Variants in PRDM5 observed in about 807,000 individuals in gnomAD.
The protein encoded by PRDM5 is PR domain zinc finger protein 5.
In PRDM5, 56 loss-of-function variants were observed where a neutral mutation model predicts 81.2. That is an observed-to-expected ratio of 0.69 (90% CI 0.56 to 0.86). The LOEUF is 0.86. Ranked by LOEUF, PRDM5 falls within the 40% of genes least tolerant of loss-of-function variation. PRDM5 has a pLI of 0.00. For missense variants in PRDM5, 697 were observed against 770.1 expected, an observed-to-expected ratio of 0.91 and a Z score of 1.12; for synonymous variants, 267 against 256.4, an observed-to-expected ratio of 1.04 and a Z score of -0.39.
At chr4:120,882,241 G>C (rs1232365765) in intron 2 of PRDM5, among the ~76,000 whole-genome samples, 1 of 152,160 alleles carries the variant, frequency 6.6e-6, no homozygotes, top group East Asian at 1.9e-4. Flanking sequence ...TCCGCCTCCC[G>C]GGTTCAAGCG....
chr4:120,908,412 TG>T (rs1024744010), intron 1 of PRDM5, among the ~76,000 whole-genome samples: 1 of 152,154 alleles, frequency 6.6e-6, no homozygotes, highest in Non-Finnish European at 1.5e-5. Flanking sequence ...TCCCTTCACA[TG>T]GAGGTGATGC....
At chr4:120,913,737 T>G (rs1468541880) in intron 1 of PRDM5, among the ~76,000 whole-genome samples, 2 of 152,136 alleles carry the variant, frequency 1.3e-5, no homozygotes, top group Non-Finnish European at 2.9e-5. Flanking sequence ...TTCTCTCCAG[T>G]AGACTTAGTA....
intron 2 of PRDM5, among the ~76,000 whole-genome samples, chr4:120,862,495 C>T (rs1760715850): frequency 6.6e-6 from 1 of 152,154 alleles, no homozygotes; most frequent in Admixed American, 6.5e-5. Context: ...AGTAAGAGAG[C>T]AGAGAAGAGT....
chr4:120,817,592 G>A (rs1029526366), intron 5 of PRDM5, among the ~76,000 whole-genome samples: 3 of 152,080 alleles, frequency 2.0e-5, no homozygotes, highest in Non-Finnish European at 4.4e-5. Flanking sequence ...AACACAATGA[G>A]AGTCTACAGT....
At chr4:120,913,849 T>C (rs1766783291) in intron 1 of PRDM5, among the ~76,000 whole-genome samples, 2 of 152,170 alleles carry the variant, frequency 1.3e-5, no homozygotes, top group Non-Finnish European at 2.9e-5. Context: ...CAGCCCACAA[T>C]CTTTCCTGCT....
chr4:120,893,670 T>C (rs2148633246), intron 2 of PRDM5, among the ~76,000 whole-genome samples: 1 of 152,354 alleles, frequency 6.6e-6, no homozygotes, highest in Middle Eastern at 3.4e-3. Flanking sequence ...CTATCAGCAA[T>C]TGAGAAAGTT....
At chr4:120,842,329 A>C (rs895035015) in intron 3 of PRDM5, among the ~76,000 whole-genome samples, 1 of 152,240 alleles carries the variant, frequency 6.6e-6, no homozygotes, top group Non-Finnish European at 1.5e-5. Context: ...TTCAGGCCAG[A>C]GTTCAAGTGG....
At chr4:120,831,473 T>C (rs1314866327) in intron 3 of PRDM5, among the ~76,000 whole-genome samples, 1 of 152,156 alleles carries the variant, frequency 6.6e-6, no homozygotes, top group Non-Finnish European at 1.5e-5. Context: ...TTTAATCATA[T>C]AATTGAACTA....
chr4:120,686,359 A>G (rs1733832665), intron 1 of PRDM5, among the ~76,000 whole-genome samples: 1 of 152,238 alleles, frequency 6.6e-6, no homozygotes, highest in South Asian at 2.1e-4. Flanking sequence ...CAACTAAAAT[A>G]TATTTTGTAA....
intron 9 of PRDM5, among the ~76,000 whole-genome samples, chr4:120,798,987 C>T (rs899753895): frequency 1.3e-5 from 2 of 152,160 alleles, no homozygotes; most frequent in Non-Finnish European, 2.9e-5. Context: ...TTTTAATTTA[C>T]TAAAATATTC....
chr4:120,797,688 GA>G (rs552414729), intron 10 of PRDM5, among the ~76,000 whole-genome samples: 37 of 152,254 alleles, frequency 2.4e-4, no homozygotes, highest in Admixed American at 2.4e-3. Flanking sequence ...TCATTATGTC[GA>G]AAAGATGCCC....
At position 120,798,559 on chromosome 4, in the gene PRDM5, A is replaced by G; in HGVS notation, c.1031-135T>C. 2 of 704,642 alleles carry G rather than the reference A, an allele frequency of 2.8e-6. 1 individual carries two copies. The highest frequency in any genetic ancestry group is 4.0e-5 in the South Asian group (2 of 50,300). The allele number at this position is 704,642 out of a possible 1,614,324, so 43.6% of individuals were successfully genotyped here. A position where few individuals can be genotyped will look rare whatever the true frequency, so the allele number is the denominator to read the frequency against. ...GTCAAACAACTAAAAAACATCTACC[A>G]TCCACATAATAGACACATAAATGTG... is the stretch of plus-strand genomic sequence containing the variant. On this transcript the variant is annotated intron_variant, in intron 9 of 15. Transcript: ENST00000264808.
In PRDM5 at chr4:120,880,335, G is replaced by A. The variant is rs560482079; in HGVS notation, c.178-26795C>T. Among the ~76,000 whole-genome samples the A allele has an allele frequency of 1.5e-4, 23 of 152,170 alleles. No individual in the cohort carries two copies. In the South Asian group the frequency reaches 4.4e-3, roughly 29 times the overall value. ...ATACTTCTCTCTAAATTTGCCATGA[G>A]CTAATTCCCGAGAAGGAGCTCAGGG... On this transcript the variant is annotated intron_variant, in intron 2 of 15. Transcript: ENST00000264808.
At chr4:120,709,808 T>C (rs968019294) in intron 15 of PRDM5, among the ~76,000 whole-genome samples, 6 of 152,106 alleles carry the variant, frequency 3.9e-5, no homozygotes, top group African/African-American at 7.2e-5. Flanking sequence ...AATAATTCCA[T>C]TTCAATCCAA....
intron 14 of PRDM5, among the ~76,000 whole-genome samples, chr4:120,744,771 A>T (rs1578561468): frequency 6.6e-6 from 1 of 151,436 alleles, no homozygotes; most frequent in Admixed American, 6.6e-5. Flanking sequence ...ACAGGATCTG[A>T]AATTGTGGCA....
intron 12 of PRDM5, among the ~76,000 whole-genome samples, chr4:120,778,743 G>C (rs1429944880): frequency 2.0e-5 from 3 of 151,984 alleles, no homozygotes; most frequent in African/African-American, 7.2e-5. Flanking sequence ...GCATCTCCTG[G>C]ATTTTGTATT....
chr4:120,780,763 T>C (rs969678676), intron 12 of PRDM5, among the ~76,000 whole-genome samples: 9 of 152,098 alleles, frequency 5.9e-5, no homozygotes, highest in Non-Finnish European at 4.4e-5. Context: ...CCAATAAACA[T>C]AAGAATTCAC....
At chr4:120,902,723 A>T (rs559979090) in intron 2 of PRDM5, among the ~76,000 whole-genome samples, 1 of 152,346 alleles carries the variant, frequency 6.6e-6, no homozygotes, top group East Asian at 1.9e-4. Flanking sequence ...TTAAAGACCC[A>T]CAACACTCAG....
intron 2 of PRDM5, among the ~76,000 whole-genome samples, chr4:120,858,161 AC>A (rs1462958022): frequency 6.6e-6 from 1 of 152,214 alleles, no homozygotes; most frequent in Non-Finnish European, 1.5e-5. Flanking sequence ...TTGTCTTTCA[AC>A]AAGGCTCTTC....
Sources: gnomAD v4.1 joint callset for allele counts (sites outside exome capture counted in the v4.1 genomes callset) on GRCh38, gnomAD v4.1.1 for gene constraint, MANE v1.5 for transcripts, NCBI Gene and HGNC (gene_info 2026-07-23, HGNC 2026-07-21) for gene names.